CC2D1A: variants seen among roughly 807,000 people sequenced by gnomAD.
CC2D1A encodes the protein coiled-coil and C2 domain containing 1A.
A neutral mutation model predicts 123.8 loss-of-function variants in CC2D1A; 68 were observed. The observed-to-expected ratio is 0.55, with a 90% CI of 0.45 to 0.67. The LOEUF (loss-of-function observed/expected upper bound fraction) is 0.67. Among genes scored for constraint, CC2D1A ranks in the 30% least tolerant of loss-of-function variants. The pLI is 0.00. For missense variants in CC2D1A, 1,185 were observed against 1,290.3 expected (o/e 0.92, Z 1.25); for synonymous variants, 477 against 528.0 (o/e 0.90, Z 1.32).
At chr19:13,913,047 C>A in intron 4 of CC2D1A, 121 bp from the exon 5 acceptor site, 1 of 1,054,872 alleles carries the variant, frequency 9.5e-7, no homozygotes, top group Non-Finnish European at 1.3e-6. Context: ...TGATTTCTGC[C>A]TCACTGGGGC....
chr19:13,921,604 AC>A (rs1423377781), intron 14 of CC2D1A, among the ~76,000 whole-genome samples: 1 of 149,196 alleles, frequency 6.7e-6, no homozygotes, highest in Non-Finnish European at 1.5e-5. Context: ...AGCAAAGGCC[AC>A]CCAGTTTAAG....
chr19:13,927,868 A>G (rs767634155), intron 22 of CC2D1A, 25 bp from the exon 23 acceptor site: 16 of 1,609,240 alleles, frequency 9.9e-6, no homozygotes, highest in Non-Finnish European at 1.4e-5. Context: ...CTTCCCACCA[A>G]CAGTTTCTCC....
At chr19:13,928,226 C>A in intron 24 of CC2D1A, 38 bp downstream of exon 24, 1 of 1,564,616 alleles carries the variant, frequency 6.4e-7, no homozygotes, top group South Asian at 1.1e-5. Flanking sequence ...AGAAAACACC[C>A]AATTCCCCTC....
At position 13,930,615 on chromosome 19, in the gene CC2D1A, G is replaced by A; in HGVS notation, c.*220G>A. Reference sequence around the variant, plus strand: ...GTGCCCCTCACCCAGGCCTGGCTGGGCCCTGGAGAGTCCTGTTTGCACAGC... The same window carrying A: ...GTGCCCCTCACCCAGGCCTGGCTGGACCCTGGAGAGTCCTGTTTGCACAGC... On this transcript the variant is annotated 3_prime_UTR_variant, in exon 29 of 29. Transcript: ENST00000318003. This position sits in a 1 kb window ranked among gnomAD's most constrained non-coding sequence, Gnocchi z 6.8. The A allele has an allele frequency of 1.6e-6, 1 of 613,526 alleles. No individual in the cohort carries two copies. Among genetic ancestry groups the A allele is most frequent in the Non-Finnish European group, 2.9e-6 (1 of 350,138 alleles). 38.0% of individuals were successfully genotyped at this position (613,526 alleles called of 1,614,324 possible).
intron 11 of CC2D1A, 85 bp from the exon 12 acceptor site, chr19:13,919,733 G>A (rs1971343621): frequency 7.1e-7 from 1 of 1,416,080 alleles, no homozygotes; most frequent in African/African-American, 1.5e-5. Flanking sequence ...TCTATAGGTG[G>A]GAGAGGAATC....
intron 26 of CC2D1A, 91 bp from the exon 27 acceptor site, chr19:13,929,987 G>A (rs1362305568): frequency 7.4e-7 from 1 of 1,356,904 alleles, no homozygotes; most frequent in Non-Finnish European, 1.0e-6. Context: ...GCACCTGGCG[G>A]GGGACGGGCT....
In CC2D1A at chr19:13,930,469, G is replaced by A. The variant is rs1168584671; in HGVS notation, c.*74G>A. 12 of 1,464,922 alleles carry A rather than the reference G, an allele frequency of 8.2e-6. No homozygotes were observed. The East Asian group carries it at 1.2e-4, about 15-fold the overall frequency. The allele number at this position is 1,464,922 out of a possible 1,614,324, so 90.7% of individuals were successfully genotyped here. A position where few individuals can be genotyped will look rare whatever the true frequency, so the allele number is the denominator to read the frequency against. ...TACCGGGAAGAGCCGACACAGCCAC[G>A]AACCAGACAAGCAGACAATCAGCGG... is the stretch of plus-strand genomic sequence containing the variant. On this transcript the variant is annotated 3_prime_UTR_variant, in exon 29 of 29. Coordinates refer to ENST00000318003, the MANE Select transcript of CC2D1A (RefSeq NM_017721.5). This position sits in a 1 kb window ranked among gnomAD's most constrained non-coding sequence, Gnocchi z 6.8.
chr19:13,914,080 G>GT (rs1189149250), intron 6 of CC2D1A, among the ~76,000 whole-genome samples: 1 of 151,872 alleles, frequency 6.6e-6, no homozygotes, highest in South Asian at 2.1e-4. Context: ...GTTTCACCTT[G>GT]TTGGCCAGGC....
At chr19:13,927,103 T>C in intron 21 of CC2D1A, 26 bp downstream of exon 21, 2 of 1,611,690 alleles carry the variant, frequency 1.2e-6, no homozygotes, top group Non-Finnish European at 1.7e-6. Flanking sequence ...CCATGGCCGC[T>C]GGGTGGGCTC....
rs141630910 is a variant in CC2D1A at position 13,907,350 on chromosome 19, G to A, written c.60+849G>A. 1.3e-3 allele frequency among the ~76,000 whole-genome samples: 192 copies of A among 152,216 alleles called. No homozygotes were observed. In the East Asian group the frequency reaches 0.028, roughly 22 times the overall value. ...TGCTTGAGCCCAGGAGTTCAAGACC[G>A]CAGTGAGCTATGATTGCGCTACTTC... On this transcript the variant is annotated intron_variant, in intron 1 of 28. Coordinates refer to ENST00000318003, the MANE Select transcript of CC2D1A (RefSeq NM_017721.5).
rs892561178 is a variant in CC2D1A at position 13,930,538 on chromosome 19, G to A, written c.*143G>A. On this transcript the variant is annotated 3_prime_UTR_variant, in exon 29 of 29. Transcript: ENST00000318003. This position sits in a 1 kb window ranked among gnomAD's most constrained non-coding sequence, Gnocchi z 6.8. ...ACCCCTCATCCGGGCCCCCAGCCCC[G>A]CCAGAGCCTCCGTGGCTGCGGGTGT... The A allele has an allele frequency of 1.6e-5, 15 of 929,976 alleles. No individual in the cohort carries two copies. The highest frequency in any genetic ancestry group is 1.6e-4 in the East Asian group (6 of 37,816). The allele number at this position is 929,976 out of a possible 1,614,324, so 57.6% of individuals were successfully genotyped here.
rs761428935 is a variant in CC2D1A at position 13,927,008 on chromosome 19, A to G, written c.2156A>G (p.Asn719Ser). The G allele has an allele frequency of 3.7e-6, 6 of 1,613,894 alleles. No individual in the cohort carries two copies. Among genetic ancestry groups the G allele is most frequent in the East Asian group, 4.5e-5 (2 of 44,872 alleles). Residue 719 changes from asparagine to serine, a missense_variant, in exon 21 of 29, where the codon AAC becomes AGC. By Grantham distance (46) the Asn-to-Ser change is conservative (BLOSUM62 1). Coordinates refer to ENST00000318003, the MANE Select transcript of CC2D1A (RefSeq NM_017721.5). Reference sequence around the variant, plus strand: ...AAGGAGCAGTTCAAACTCTGCATCAACCGCAGCCACCGTGGCTTCCGAAGG... The same window carrying G: ...AAGGAGCAGTTCAAACTCTGCATCAGCCGCAGCCACCGTGGCTTCCGAAGG... ...EFKEQFKLCI[N>S]RSHRGFRRAI...
At position 13,913,463 on chromosome 19, in the gene CC2D1A, C is replaced by T. The variant is rs1971083832; in HGVS notation, c.573C>T (p.Ile191=). Residue 191 remains isoleucine (I), a synonymous_variant, in exon 6 of 29, where the codon ATC becomes ATT. Coordinates refer to ENST00000318003, the MANE Select transcript of CC2D1A (RefSeq NM_017721.5). ...GCAATGCCATTGACGAAGCGGACAT[C>T]CCGCCGCCAGTGGCCATAGGAAAAG... ...RKGNAIDEAD[I]PPPVAIGKGP... The T allele has an allele frequency of 6.2e-7, 1 of 1,614,212 alleles. No homozygotes were observed. Among genetic ancestry groups the T allele is most frequent in the Non-Finnish European group, 8.5e-7 (1 of 1,180,042 alleles).
chr19:13,927,178 G>A lies in CC2D1A; in HGVS notation c.2229G>A (p.Gly743=). The A allele has an allele frequency of 6.2e-7, 1 of 1,613,966 alleles. No homozygotes were observed. The highest frequency in any genetic ancestry group is 8.5e-7 in the Non-Finnish European group (1 of 1,179,934). Residue 743 remains glycine, a synonymous_variant, in exon 22 of 29, where the codon GGG becomes GGA. Coordinates refer to ENST00000318003, the MANE Select transcript of CC2D1A (RefSeq NM_017721.5). Reference sequence around the variant, plus strand: ...CACTATACACACATGCACACAGGGGGCTGTTCAAGACTGACCGGGTGCTGG... The same window carrying A: ...CACTATACACACATGCACACAGGGGACTGTTCAAGACTGACCGGGTGCTGG... ...GIKFEVVHKG[G]LFKTDRVLGT...
chr19:13,913,405 C>T lies in CC2D1A; in HGVS notation c.515C>T (p.Thr172Ile). The change falls in exon 6 of 29, where the codon ACA (threonine) becomes ATA (isoleucine). Residue 172 changes from threonine (T) to isoleucine (I), a missense_variant and splice_region_variant. Thr to Ile is a moderately conservative substitution (Grantham distance 89, BLOSUM62 -1). Coordinates refer to ENST00000318003, the MANE Select transcript of CC2D1A (RefSeq NM_017721.5). ...ACCAATACTCACGCCTTATCTTAGA[C>T]ACTGGAAAACCTGCTCGCCTCCATC... ...KMRRYDRGLKTLENLLASIRK... is the reference protein window; with the variant it reads ...KMRRYDRGLKILENLLASIRK... 6.2e-7 allele frequency: 1 copy of T among 1,613,816 alleles called. No homozygotes were observed. The highest frequency in any genetic ancestry group is 1.1e-5 in the South Asian group (1 of 91,010).
In CC2D1A at chr19:13,920,901, G is replaced by T. The variant is rs957391243; in HGVS notation, c.1620G>T (p.Gly540=). 5 of 1,613,526 alleles carry T rather than the reference G, an allele frequency of 3.1e-6. No individual in the cohort carries two copies. The highest frequency in any genetic ancestry group is 4.2e-6 in the Non-Finnish European group (5 of 1,179,842). The change falls in exon 14 of 29, where the codon GGG becomes GGT. Residue 540 remains glycine, a synonymous_variant. Transcript: ENST00000318003. ...CTATGCTGGAGGCCTCGCGCAATGGGCTGCCTGTGGACATCACCAAGGTGA... is the reference window on the plus strand; with the variant it reads ...CTATGCTGGAGGCCTCGCGCAATGGTCTGCCTGTGGACATCACCAAGGTGA... ...LEPMLEASRN[G]LPVDITKVPP...
At chr19:13,925,079 C>T (rs1971544867) in intron 17 of CC2D1A, among the ~76,000 whole-genome samples, 1 of 152,190 alleles carries the variant, frequency 6.6e-6, no homozygotes, top group African/African-American at 2.4e-5. Context: ...ATGTCACCTT[C>T]CCTCTAAGAG....
chr19:13,923,955 G>C lies in CC2D1A; in HGVS notation c.1940+144G>C, dbSNP rs550257365. The C allele has an allele frequency of 6.4e-5, 41 of 639,074 alleles. No individual in the cohort carries two copies. The highest frequency in any genetic ancestry group is 5.5e-4 in the African/African-American group (30 of 54,802). 39.6% of individuals were successfully genotyped at this position (639,074 alleles called of 1,614,324 possible). On this transcript the variant is annotated intron_variant, in intron 17 of 28. Transcript: ENST00000318003. The surrounding 1 kb of genome is among the most constrained non-coding windows in gnomAD (Gnocchi z 5.3). ...GTGGAAGAGCACAGAGCATGCAAAG[G>C]CTCTGGGGCAGGCATGAGATACAAG...
chr19:13,927,176 G>T lies in CC2D1A; in HGVS notation c.2227G>T (p.Gly743Trp). The T allele has an allele frequency of 6.2e-7, 1 of 1,613,998 alleles. No homozygotes were observed. Among genetic ancestry groups the T allele is most frequent in the Non-Finnish European group, 8.5e-7 (1 of 1,179,964 alleles). Residue 743 changes from glycine to tryptophan, a missense_variant and splice_region_variant, in exon 22 of 29, where the codon GGG becomes TGG. Physicochemically the swap from Gly to Trp is radical, Grantham distance 184 (BLOSUM62 -2). Coordinates refer to ENST00000318003, the MANE Select transcript of CC2D1A (RefSeq NM_017721.5). ...GIKFEVVHKG[G>W]LFKTDRVLGT... The stretch of plus-strand genomic sequence containing the variant: ...CCCACTATACACACATGCACACAGG[G>T]GGCTGTTCAAGACTGACCGGGTGCT...
Sources: allele counts gnomAD v4.1 joint callset (sites outside exome capture counted in the v4.1 genomes callset), GRCh38; gene constraint gnomAD v4.1.1; non-coding constraint Gnocchi (gnomAD v3.1); transcripts MANE v1.5; gene names NCBI Gene and HGNC (gene_info 2026-07-23, HGNC 2026-07-21).